Variants in MAP7 observed in about 807,000 individuals in gnomAD.
MAP7 encodes the protein microtubule associated protein 7.
A neutral mutation model predicts 94.8 loss-of-function variants in MAP7; 52 were observed. The ratio of observed to expected loss-of-function variants is 0.55; its 90% CI spans 0.44 to 0.69. The LOEUF (loss-of-function observed/expected upper bound fraction) is 0.69, where lower values mean the gene tolerates loss of function less well. MAP7 is among the 30% of genes least tolerant of loss of function. MAP7 has a pLI of 0.00. For synonymous variants in MAP7, 350 were observed against 357.0 expected, an observed-to-expected ratio of 0.98 and a Z score of 0.22; for missense variants, 940 against 964.6, an observed-to-expected ratio of 0.97 and a Z score of 0.34.
At chr6:136,475,355 T>C (rs1490665869) in intron 1 of MAP7, among the ~76,000 whole-genome samples, 1 of 152,222 alleles carries the variant, frequency 6.6e-6, no homozygotes, top group East Asian at 1.9e-4. Flanking sequence ...TAAAAGGTCA[T>C]GAACATAAAT....
intron 2 of MAP7, among the ~76,000 whole-genome samples, chr6:136,414,722 G>T (rs1367383353): frequency 2.0e-5 from 3 of 151,100 alleles, no homozygotes; most frequent in Admixed American, 6.6e-5. Flanking sequence ...GCTCACTGCA[G>T]CCTCAATCTC....
At chr6:136,507,174 G>T (rs1384468760) in intron 1 of MAP7, among the ~76,000 whole-genome samples, 1 of 151,968 alleles carries the variant, frequency 6.6e-6, no homozygotes, top group African/African-American at 2.4e-5. Flanking sequence ...CTGCTCCCCA[G>T]AAAAGTGGGG....
rs143214643 is a variant in MAP7, at chr6:136,385,932, G to A, written c.527-2151C>T. 4.4e-3 allele frequency among the ~76,000 whole-genome samples: 667 copies of A among 152,078 alleles called. 5 individuals carry two copies. Among genetic ancestry groups the A allele is most frequent in the African/African-American group, 0.015 (635 of 41,488 alleles). On this transcript the variant is annotated intron_variant, in intron 5 of 17. Coordinates refer to ENST00000354570, the MANE Select transcript of MAP7 (RefSeq NM_003980.6). Reference sequence around the variant, plus strand: ...ATTACAGGCATGTGCCACCATAGCCGGCTAGTTTTTGTATTTTTAGTAGAG... The same window carrying A: ...ATTACAGGCATGTGCCACCATAGCCAGCTAGTTTTTGTATTTTTAGTAGAG...
chr6:136,367,162 C>T lies in MAP7; in HGVS notation c.877-723G>A, dbSNP rs549050167. 5.3e-5 allele frequency among the ~76,000 whole-genome samples: 8 copies of T among 152,302 alleles called. No homozygotes were observed. In the South Asian group the frequency reaches 1.7e-3, roughly 32 times the overall value. On this transcript the variant is annotated intron_variant, in intron 8 of 17. Coordinates refer to ENST00000354570, the MANE Select transcript of MAP7 (RefSeq NM_003980.6). ...ACTAGGAATTCAGCTTGAGAGATGACACTTTCCTAAGTCAAAATGGGCAAA... is the reference window on the plus strand; with the variant it reads ...ACTAGGAATTCAGCTTGAGAGATGATACTTTCCTAAGTCAAAATGGGCAAA...
chr6:136,504,450 G>A (rs1820772706), intron 1 of MAP7, among the ~76,000 whole-genome samples: 1 of 151,988 alleles, frequency 6.6e-6, no homozygotes, highest in East Asian at 1.9e-4. Flanking sequence ...CTGGGTTCTG[G>A]CAATTCTCTT....
At chr6:136,549,153 T>A (rs1284064767) in intron 1 of MAP7, among the ~76,000 whole-genome samples, 1 of 152,162 alleles carries the variant, frequency 6.6e-6, no homozygotes, top group African/African-American at 2.4e-5. Context: ...GCAAATACTG[T>A]TTCAGAGCTC....
At position 136,421,783 on chromosome 6, in the gene MAP7, T is replaced by C; in HGVS notation, c.84A>G (p.Lys28=). The change falls in exon 2 of 18, where the codon AAA becomes AAG. Residue 28 remains lysine, a synonymous_variant. Transcript: ENST00000354570. ...TGGAGGCATTTTTCTTATCTTGCAC[T>C]TTGTAGCTGTCGGGTGCTACAGAAA... The part of the protein sequence containing the change: ...VRSETAPDSY[K]VQDKKNASSR... 1.9e-6 allele frequency: 3 copies of C among 1,611,936 alleles called. No homozygotes were observed. Among genetic ancestry groups the C allele is most frequent in the Non-Finnish European group, 2.5e-6 (3 of 1,179,434 alleles).
rs190964281 is a variant in MAP7 at position 136,470,266 on chromosome 6, C to G, written c.68-48467G>C. On this transcript the variant is annotated intron_variant, in intron 1 of 17. Transcript: ENST00000354570. ...TAAAACGGGAACTCTGAAGTTGCAG[C>G]AAGAATTCCATGAGGTTATGAAATA... is the stretch of plus-strand genomic sequence containing the variant. Among the ~76,000 whole-genome samples the G allele has an allele frequency of 3.2e-3, 485 of 152,060 alleles. 3 individuals carry two copies. Among genetic ancestry groups the G allele is most frequent in the African/African-American group, 0.011 (467 of 41,492 alleles).
In MAP7 at chr6:136,514,132, T is replaced by C. The variant is rs113914216; in HGVS notation, c.67+36210A>G. Among the ~76,000 whole-genome samples the C allele has an allele frequency of 7.1e-3, 1,085 of 152,326 alleles. 15 individuals are homozygous for C. The highest frequency in any genetic ancestry group is 0.025 in the African/African-American group (1,037 of 41,580). Reference sequence around the variant, plus strand: ...ATGGTGAATCCTTTCCAGAAGGTTTTCAATTTTCTTTGCCCAGATCCATCA... The same window carrying C: ...ATGGTGAATCCTTTCCAGAAGGTTTCCAATTTTCTTTGCCCAGATCCATCA... On this transcript the variant is annotated intron_variant, in intron 1 of 17. Coordinates refer to ENST00000354570, the MANE Select transcript of MAP7 (RefSeq NM_003980.6).
intron 8 of MAP7, among the ~76,000 whole-genome samples, chr6:136,367,070 C>G (rs1245485238): frequency 6.6e-6 from 1 of 152,052 alleles, no homozygotes; most frequent in African/African-American, 2.4e-5. Context: ...TATTTTTTTG[C>G]TCTTCCTTAC....
At chr6:136,414,142 A>C (rs1347230139) in intron 2 of MAP7, among the ~76,000 whole-genome samples, 2 of 149,602 alleles carry the variant, frequency 1.3e-5, no homozygotes, top group Non-Finnish European at 3.0e-5. Context: ...AGTCCCAGCT[A>C]CTCGGGAGGC....
chr6:136,468,863 T>A lies in MAP7; in HGVS notation c.68-47064A>T, dbSNP rs988727155. On this transcript the variant is annotated intron_variant, in intron 1 of 17. Coordinates refer to ENST00000354570, the MANE Select transcript of MAP7 (RefSeq NM_003980.6). ...TTCTCACTTCCGAGCAACAAAGACA[T>A]TCAGGCCAGTGCTGCCTGCTGATGG... is the stretch of plus-strand genomic sequence containing the variant. Among the ~76,000 whole-genome samples, 8 of 152,240 alleles carry A rather than the reference T, an allele frequency of 5.3e-5. No individual in the cohort carries two copies. The South Asian group carries it at 1.7e-3, about 32-fold the overall frequency.
intron 1 of MAP7, among the ~76,000 whole-genome samples, chr6:136,537,275 C>G (rs557510758): frequency 6.6e-6 from 1 of 152,154 alleles, no homozygotes; most frequent in East Asian, 1.9e-4. Context: ...GCTGGGATAC[C>G]GAGGATTGAA....
At chr6:136,402,174 C>G (rs974112035) in intron 3 of MAP7, among the ~76,000 whole-genome samples, 6 of 152,328 alleles carry the variant, frequency 3.9e-5, no homozygotes, top group African/African-American at 1.2e-4. Flanking sequence ...AGCACAGGAG[C>G]CCCATCTGCT....
chr6:136,463,869 T>C (rs1806049430), intron 1 of MAP7, among the ~76,000 whole-genome samples: 1 of 152,164 alleles, frequency 6.6e-6, no homozygotes, highest in Non-Finnish European at 1.5e-5. Context: ...ACAGAGGCAA[T>C]GTAAGTTTGA....
At chr6:136,367,370 G>C (rs1307184616) in intron 8 of MAP7, among the ~76,000 whole-genome samples, 1 of 152,214 alleles carries the variant, frequency 6.6e-6, no homozygotes, top group Non-Finnish European at 1.5e-5. Flanking sequence ...GACTGCAAGC[G>C]TACATGGGAA....
At chr6:136,390,588 T>C (rs989885269) in intron 3 of MAP7, among the ~76,000 whole-genome samples, 2 of 152,100 alleles carry the variant, frequency 1.3e-5, no homozygotes, top group African/African-American at 4.8e-5. Flanking sequence ...GGGAGGCGGA[T>C]GTTGCAGCAA....
chr6:136,507,164 C>A (rs549523739), intron 1 of MAP7, among the ~76,000 whole-genome samples: 99 of 152,056 alleles, frequency 6.5e-4, no homozygotes, highest in African/African-American at 2.3e-3. Context: ...AAAGTAATCC[C>A]TGCTCCCCAG....
At chr6:136,548,699 G>A (rs1470459758) in intron 1 of MAP7, among the ~76,000 whole-genome samples, 1 of 152,190 alleles carries the variant, frequency 6.6e-6, no homozygotes, top group Non-Finnish European at 1.5e-5. Flanking sequence ...ACAGTTTGTA[G>A]TCAGTTCACT....
Sources: gnomAD v4.1 joint callset for allele counts (sites outside exome capture counted in the v4.1 genomes callset) on GRCh38, gnomAD v4.1.1 for gene constraint, MANE v1.5 for transcripts, NCBI Gene and HGNC (gene_info 2026-07-23, HGNC 2026-07-21) for gene names.